The following BCL6 variants were observed in gnomAD, a reference collection of about 807,000 sequenced individuals.
BCL6 encodes BCL6 transcription repressor.
In BCL6, 7 loss-of-function variants were observed where a neutral mutation model predicts 59.5. The observed-to-expected ratio is 0.12, with a 90% CI of 0.07 to 0.22. The LOEUF (loss-of-function observed/expected upper bound fraction) is 0.22. BCL6 is among the 10% of genes least tolerant of loss of function. The probability of loss-of-function intolerance (pLI) is 1.00; values close to 1 mark genes in which losing one functional copy is unlikely to be tolerated. For missense variants in BCL6, 685 were observed against 939.4 expected, an observed-to-expected ratio of 0.73 and a Z score of 3.54; for synonymous variants, 339 against 349.7, an observed-to-expected ratio of 0.97 and a Z score of 0.34.
At chr3:187,728,743 TC>T (rs1718860474) in intron 5 of BCL6, among the ~76,000 whole-genome samples, 199 bp from the exon 6 acceptor site, 2 of 151,936 alleles carry the variant, frequency 1.3e-5, no homozygotes, top group South Asian at 4.2e-4. Context: ...AGCCAGAGCT[TC>T]CCCGCAGCCC....
At chr3:187,740,062 C>A (rs1711533442) in intron 1 of BCL6, among the ~76,000 whole-genome samples, 1 of 152,188 alleles carries the variant, frequency 6.6e-6, no homozygotes, top group African/African-American at 2.4e-5. Context: ...CCGACCCGGG[C>A]GGGGGCGACG....
At chr3:187,726,046 G>T (rs557038335) in intron 7 of BCL6, among the ~76,000 whole-genome samples, 62 of 152,210 alleles carry the variant, frequency 4.1e-4, no homozygotes, top group Admixed American at 1.3e-3. Flanking sequence ...TACCTGGGAA[G>T]GTTCTTCTAG....
chr3:187,722,328 C>A lies in BCL6; in HGVS notation c.*130G>T. On this transcript the variant is annotated 3_prime_UTR_variant, in exon 10 of 10. Transcript: ENST00000406870. Reference sequence around the variant, plus strand: ...GGCCCCGACCCCCACCACCCCCAACCCCCAGCTATGATTTGCACTAGTGGA... The same window carrying A: ...GGCCCCGACCCCCACCACCCCCAACACCCAGCTATGATTTGCACTAGTGGA... 1 of 769,334 alleles carries A rather than the reference C, an allele frequency of 1.3e-6. No individual in the cohort carries two copies. Among genetic ancestry groups the A allele is most frequent in the South Asian group, 5.2e-5 (1 of 19,214 alleles). 47.7% of individuals were successfully genotyped at this position (769,334 alleles called of 1,614,324 possible).
chr3:187,721,443 G>A lies in BCL6; in HGVS notation c.*1015C>T, dbSNP rs991222488. The stretch of plus-strand genomic sequence containing the variant: ...CTATATTTTACAACGCGGTAATGCA[G>A]TTTAGACACAGCCAAACCCTGTCTC... On this transcript the variant is annotated 3_prime_UTR_variant, in exon 10 of 10. Transcript: ENST00000406870. This position sits in a 1 kb window ranked among gnomAD's most constrained non-coding sequence, Gnocchi z 4.2. 8.6e-6 allele frequency: 2 copies of A among 232,130 alleles called. No individual in the cohort carries two copies. The highest frequency in any genetic ancestry group is 4.4e-5 in the African/African-American group (2 of 45,232). 14.4% of individuals were successfully genotyped at this position (232,130 alleles called of 1,614,324 possible).
At chr3:187,737,577 C>T (rs1034478579) in intron 1 of BCL6, 3 of 152,496 alleles carry the variant, frequency 2.0e-5, no homozygotes, top group Non-Finnish European at 2.9e-5. Flanking sequence ...CTTCGCTACC[C>T]CACCCCGACC....
intron 1 of BCL6, among the ~76,000 whole-genome samples, chr3:187,742,865 C>T (rs963915731): frequency 3.3e-5 from 5 of 152,144 alleles, no homozygotes; most frequent in Non-Finnish European, 7.4e-5. Flanking sequence ...TCTTTGAGCT[C>T]ATGTTTGCTA....
At chr3:187,742,699 T>C in intron 1 of BCL6, among the ~76,000 whole-genome samples, 1 of 152,150 alleles carries the variant, frequency 6.6e-6, no homozygotes, top group East Asian at 1.9e-4. Flanking sequence ...TACAGGTTTC[T>C]ATTTTGGCCT....
chr3:187,742,396 C>T (rs1037383582), intron 1 of BCL6, among the ~76,000 whole-genome samples: 2 of 152,324 alleles, frequency 1.3e-5, no homozygotes. Flanking sequence ...CCATCCCTAT[C>T]CACCAAACCC....
chr3:187,744,563 T>C (rs1576885139), intron 1 of BCL6, among the ~76,000 whole-genome samples: 2 of 152,320 alleles, frequency 1.3e-5, no homozygotes, highest in East Asian at 1.9e-4. Context: ...TCATCTCATC[T>C]GGATTTATGA....
Position 187,725,828 on chromosome 3 carries a change from C to T in BCL6, c.1709-199G>A, listed in dbSNP as rs1198205998. On this transcript the variant is annotated intron_variant, in intron 7 of 9. Coordinates refer to ENST00000406870, the MANE Select transcript of BCL6 (RefSeq NM_001706.5). The surrounding 1 kb of genome is among the most constrained non-coding windows in gnomAD (Gnocchi z 4.7). ...CCTCTCTCACACACGCACCTGCATA[C>T]CTCGCAGGGGACCAGGGCCAAGAAA... Among the ~76,000 whole-genome samples, 2 of 152,182 alleles carry T rather than the reference C, an allele frequency of 1.3e-5. No individual in the cohort carries two copies. The highest frequency in any genetic ancestry group is 3.9e-4 in the East Asian group (2 of 5,192).
intron 1 of BCL6, chr3:187,736,648 C>T (rs972260349): frequency 1.3e-5 from 2 of 152,348 alleles, no homozygotes; most frequent in African/African-American, 4.8e-5. Flanking sequence ...TTGGGCTTTT[C>T]ACCGTAAGCC....
Position 187,725,654 on chromosome 3 carries a change from G to T in BCL6, c.1709-25C>A, listed in dbSNP as rs778615302. ...CCTATTACCAAGAAAAAGGGAAAAAGAAAAGCCATATTCAATAAGGAAGGT... is the reference window on the plus strand; with the variant it reads ...CCTATTACCAAGAAAAAGGGAAAAATAAAAGCCATATTCAATAAGGAAGGT... On this transcript the variant is annotated intron_variant, in intron 7 of 9. Coordinates refer to ENST00000406870, the MANE Select transcript of BCL6 (RefSeq NM_001706.5). This position sits in a 1 kb window ranked among gnomAD's most constrained non-coding sequence, Gnocchi z 4.7. 4.3e-6 allele frequency: 7 copies of T among 1,613,854 alleles called. No individual in the cohort carries two copies. Among genetic ancestry groups the T allele is most frequent in the Non-Finnish European group, 4.2e-6 (5 of 1,179,892 alleles).
intron 6 of BCL6, among the ~76,000 whole-genome samples, chr3:187,727,137 G>C (rs1718751342): frequency 6.6e-6 from 1 of 152,240 alleles, no homozygotes. Flanking sequence ...AGGTACAGAA[G>C]GGAAGCTCAA....
In BCL6 at chr3:187,721,730, C is replaced by T; in HGVS notation, c.*728G>A. Reference sequence around the variant, plus strand: ...TTTGTTCTTTTTGTTTTTTTTAATACACACTTTGTAAATTGTAAACCTTCA... The same window carrying T: ...TTTGTTCTTTTTGTTTTTTTTAATATACACTTTGTAAATTGTAAACCTTCA... On this transcript the variant is annotated 3_prime_UTR_variant, in exon 10 of 10. Transcript: ENST00000406870. This position sits in a 1 kb window ranked among gnomAD's most constrained non-coding sequence, Gnocchi z 4.2. 1 of 231,428 alleles carries T rather than the reference C, an allele frequency of 4.3e-6. No individual in the cohort carries two copies. Among genetic ancestry groups the T allele is most frequent in the Non-Finnish European group, 8.6e-6 (1 of 116,826 alleles). The allele number at this position is 231,428 out of a possible 1,614,324, so 14.3% of individuals were successfully genotyped here.
At position 187,729,509 on chromosome 3, in the gene BCL6, G is replaced by A. The variant is rs1718915290; in HGVS notation, c.896C>T (p.Ala299Val). 1 of 1,613,552 alleles carries A rather than the reference G, an allele frequency of 6.2e-7. No individual in the cohort carries two copies. Reference sequence around the variant, plus strand: ...GGAGGGTCTCTCTTCTTCTTTGCTGGCCTTGTCACAAGGGAAGTAGGGGGC... The same window carrying A: ...GGAGGGTCTCTCTTCTTCTTTGCTGACCTTGTCACAAGGGAAGTAGGGGGC... ...RNAPYFPCDK[A>V]SKEEERPSSE... Residue 299 changes from alanine (A) to valine (V), a missense_variant, in exon 5 of 10, where the codon GCC (alanine) becomes GTC (valine). Physicochemically the swap from Ala to Val is moderately conservative, Grantham distance 64 (BLOSUM62 0). Coordinates refer to ENST00000406870, the MANE Select transcript of BCL6 (RefSeq NM_001706.5). The surrounding 1 kb of genome is among the most constrained non-coding windows in gnomAD (Gnocchi z 5.6).
chr3:187,722,529 T>C lies in BCL6; in HGVS notation c.2050A>G (p.Ile684Val), dbSNP rs558388208. ...CGGTATTGCACCTTGGTGTTGGTGA[T>C]GGCGCCATGCTTCTGGCGCAAGTGA... ...RLHLRQKHGA[I>V]TNTKVQYRVS... is the part of the protein sequence containing the mutation. The change falls in exon 10 of 10, where the codon ATC (isoleucine) becomes GTC (valine). Residue 684 changes from isoleucine (I) to valine (V), a missense_variant. Transcript: ENST00000406870. 3.7e-6 allele frequency: 6 copies of C among 1,614,102 alleles called. No individual in the cohort carries two copies. The South Asian group carries it at 4.4e-5, about 12-fold the overall frequency.
At chr3:187,743,909 C>T (rs1711731953) in intron 1 of BCL6, among the ~76,000 whole-genome samples, 1 of 152,264 alleles carries the variant, frequency 6.6e-6, no homozygotes, top group East Asian at 1.9e-4. Context: ...TCACAAAGAT[C>T]TCCCTTTCGC....
Position 187,729,557 on chromosome 3 carries a change from G to A in BCL6, c.848C>T (p.Pro283Leu). 1 of 1,614,040 alleles carries A rather than the reference G, an allele frequency of 6.2e-7. No homozygotes were observed. Among genetic ancestry groups the A allele is most frequent in the Middle Eastern group, 1.6e-4 (1 of 6,062 alleles). The change falls in exon 5 of 10, where the codon CCT (proline) becomes CTT (leucine). Residue 283 changes from proline to leucine, a missense_variant. Transcript: ENST00000406870. This position sits in a 1 kb window ranked among gnomAD's most constrained non-coding sequence, Gnocchi z 5.6. ...GGCATTTCGGGCTGAGGGGGCAGCA[G>A]GTTTGAGGCCCTCAGCCACACTGTA... ...MHYSVAEGLKPAAPSARNAPY... is the reference protein window; with the variant it reads ...MHYSVAEGLKLAAPSARNAPY...
In BCL6 at chr3:187,725,394, C is replaced by T; in HGVS notation, c.1839+105G>A. 1 of 1,555,814 alleles carries T rather than the reference C, an allele frequency of 6.4e-7. No homozygotes were observed. Among genetic ancestry groups the T allele is most frequent in the Non-Finnish European group, 8.7e-7 (1 of 1,151,988 alleles). ...CTCACCTGCCCGCTCCGCTTGCCTG[C>T]CCGCTCCACTTGCCTGCCCACTCCT... On this transcript the variant is annotated intron_variant, in intron 8 of 9. Coordinates refer to ENST00000406870, the MANE Select transcript of BCL6 (RefSeq NM_001706.5). This position sits in a 1 kb window ranked among gnomAD's most constrained non-coding sequence, Gnocchi z 4.7.
Sources: gnomAD v4.1 joint callset for allele counts (sites outside exome capture counted in the v4.1 genomes callset) on GRCh38, gnomAD v4.1.1 for gene constraint, Gnocchi (gnomAD v3.1) non-coding constraint, MANE v1.5 for transcripts, NCBI Gene and HGNC (gene_info 2026-07-23, HGNC 2026-07-21) for gene names.